SPIDR: variants seen among roughly 807,000 people sequenced by gnomAD.
SPIDR encodes the protein DNA repair-scaffolding protein.
SPIDR carries 93 observed loss-of-function variants against 104.6 expected under a neutral mutation model. The observed-to-expected ratio is 0.89, with a 90% CI of 0.75 to 1.06. SPIDR has a LOEUF of 1.06. Ranked by LOEUF, SPIDR falls within the 50% of genes least tolerant of loss-of-function variation. SPIDR has a pLI of 0.00. For missense variants in SPIDR, 1,154 were observed against 1,111.2 expected, an observed-to-expected ratio of 1.04 and a Z score of -0.55; for synonymous variants, 431 against 416.9, an observed-to-expected ratio of 1.03 and a Z score of -0.41.
At chr8:47,547,086 A>T in intron 8 of SPIDR, 1 of 546,464 alleles carries the variant, frequency 1.8e-6, no homozygotes, top group Non-Finnish European at 3.6e-6. Flanking sequence ...GAAATCAGTG[A>T]TCTTGCCAGT....
intron 2 of SPIDR, among the ~76,000 whole-genome samples, 200 bp downstream of exon 2, chr8:47,280,217 ATT>A (rs1325232798): frequency 6.7e-6 from 1 of 149,286 alleles, no homozygotes; most frequent in Non-Finnish European, 1.5e-5. Flanking sequence ...TCACCTTTTT[ATT>A]TTTTATTTTT....
At chr8:47,649,200 T>A (rs2071136214) in intron 10 of SPIDR, among the ~76,000 whole-genome samples, 1 of 151,540 alleles carries the variant, frequency 6.6e-6, no homozygotes, top group African/African-American at 2.4e-5. Flanking sequence ...CAATGATCAT[T>A]CCTGTGAATA....
intron 5 of SPIDR, among the ~76,000 whole-genome samples, chr8:47,337,498 TC>T (rs1563663323): frequency 6.6e-6 from 1 of 152,184 alleles, no homozygotes; most frequent in African/African-American, 2.4e-5. Flanking sequence ...TCTTTTTTTT[TC>T]CCAGATGTAT....
chr8:47,507,153 C>G (rs2081605131), intron 8 of SPIDR, among the ~76,000 whole-genome samples: 2 of 152,218 alleles, frequency 1.3e-5, no homozygotes, highest in African/African-American at 2.4e-5. Context: ...TCCCAGCCAC[C>G]TGCTGCCAGC....
At chr8:47,271,763 C>T (rs928590424) in intron 1 of SPIDR, among the ~76,000 whole-genome samples, 1 of 151,976 alleles carries the variant, frequency 6.6e-6, no homozygotes, top group Non-Finnish European at 1.5e-5. Flanking sequence ...CCTTATCATG[C>T]TTTCCTGTTT....
intron 8 of SPIDR, among the ~76,000 whole-genome samples, chr8:47,517,752 A>G (rs1417254174): frequency 6.6e-6 from 1 of 152,208 alleles, no homozygotes; most frequent in African/African-American, 2.4e-5. Context: ...AAAATTTGCT[A>G]ATTTTCGTGG....
chr8:47,327,258 T>C (rs775189658), intron 5 of SPIDR, among the ~76,000 whole-genome samples: 23 of 152,222 alleles, frequency 1.5e-4, no homozygotes, highest in Non-Finnish European at 2.5e-4. Context: ...GGAAAAAATA[T>C]CTATTCAAGT....
chr8:47,550,264 C>T (rs2090221687), intron 8 of SPIDR, among the ~76,000 whole-genome samples: 2 of 152,234 alleles, frequency 1.3e-5, no homozygotes, highest in Middle Eastern at 3.4e-3. Context: ...TTTTTGGTTC[C>T]ATATGAACTT....
At position 47,407,499 on chromosome 8, in the gene SPIDR, A is replaced by G. The variant is rs139028051; in HGVS notation, c.777-362A>G. On this transcript the variant is annotated intron_variant, in intron 6 of 19. Transcript: ENST00000297423. ...TGTCCCTGGTACCTAACGAAGTGCTAGGTGCCAGCATATAGCAGGTGGTAA... is the reference window on the plus strand; with the variant it reads ...TGTCCCTGGTACCTAACGAAGTGCTGGGTGCCAGCATATAGCAGGTGGTAA... Among the ~76,000 whole-genome samples, 82 of 152,324 alleles carry G rather than the reference A, an allele frequency of 5.4e-4. 1 individual carries two copies. In the East Asian group the frequency reaches 8.1e-3, roughly 15 times the overall value.
intron 10 of SPIDR, among the ~76,000 whole-genome samples, chr8:47,621,467 A>G (rs986888416): frequency 6.6e-6 from 1 of 152,062 alleles, no homozygotes; most frequent in Admixed American, 6.6e-5. Context: ...TGATCTCTTC[A>G]TCCTCTCATC....
At chr8:47,509,362 C>T (rs2081980212) in intron 8 of SPIDR, among the ~76,000 whole-genome samples, 1 of 150,854 alleles carries the variant, frequency 6.6e-6, no homozygotes, top group Non-Finnish European at 1.5e-5. Context: ...AAGCAGGAGA[C>T]ATGGTAGATC....
intron 10 of SPIDR, chr8:47,660,893 G>C (rs571306003): frequency 1.1e-6 from 1 of 944,666 alleles, no homozygotes; most frequent in Non-Finnish European, 1.3e-6. Context: ...AACTGCATGT[G>C]TAACAATGCG....
At chr8:47,466,196 T>C (rs2074747125) in intron 8 of SPIDR, among the ~76,000 whole-genome samples, 1 of 152,168 alleles carries the variant, frequency 6.6e-6, no homozygotes, top group South Asian at 2.1e-4. Context: ...TACAGAACTC[T>C]ACCCAAAAGC....
intron 8 of SPIDR, among the ~76,000 whole-genome samples, chr8:47,569,512 A>G (rs1357185150): frequency 1.3e-5 from 2 of 152,216 alleles, no homozygotes; most frequent in East Asian, 3.8e-4. Flanking sequence ...TATTTGTTAA[A>G]CCATCAAACA....
At chr8:47,486,492 A>C (rs1353425321) in intron 8 of SPIDR, among the ~76,000 whole-genome samples, 1 of 152,176 alleles carries the variant, frequency 6.6e-6, no homozygotes, top group Non-Finnish European at 1.5e-5. Flanking sequence ...AATTCAGGAA[A>C]TAGAGAACGC....
At chr8:47,291,629 C>T (rs2039923034) in intron 4 of SPIDR, among the ~76,000 whole-genome samples, 1 of 152,184 alleles carries the variant, frequency 6.6e-6, no homozygotes, top group African/African-American at 2.4e-5. Context: ...CTAAGAAACT[C>T]TAAGAGATAG....
chr8:47,322,440 A>G (rs1442942163), intron 5 of SPIDR, among the ~76,000 whole-genome samples: 3 of 152,186 alleles, frequency 2.0e-5, no homozygotes, highest in Non-Finnish European at 2.9e-5. Flanking sequence ...AGGAAACAAC[A>G]GGTGCTGGAG....
At chr8:47,479,046 AGT>A (rs2076586625) in intron 8 of SPIDR, among the ~76,000 whole-genome samples, 1 of 152,134 alleles carries the variant, frequency 6.6e-6, no homozygotes. Flanking sequence ...ATATAAAATC[AGT>A]GAAAAAAAAA....
chr8:47,569,771 A>G (rs1175802814), intron 8 of SPIDR, among the ~76,000 whole-genome samples: 1 of 152,226 alleles, frequency 6.6e-6, no homozygotes, highest in Non-Finnish European at 1.5e-5. Flanking sequence ...AAGAACTGAT[A>G]GAAGTAATGA....
Sources: gnomAD v4.1 joint callset for allele counts (sites outside exome capture counted in the v4.1 genomes callset) on GRCh38, gnomAD v4.1.1 for gene constraint, MANE v1.5 for transcripts, NCBI Gene and HGNC (gene_info 2026-07-23, HGNC 2026-07-21) for gene names.